FYCO1: variants seen among roughly 807,000 people sequenced by gnomAD.
FYCO1 encodes FYVE and coiled-coil domain-containing protein 1.
A neutral mutation model predicts 165.1 loss-of-function variants in FYCO1; 122 were observed. That is an observed-to-expected ratio of 0.74 (90% CI 0.64 to 0.86). The LOEUF (loss-of-function observed/expected upper bound fraction) is 0.86. FYCO1 is among the 40% of genes least tolerant of loss of function. The pLI is 0.00. For synonymous variants in FYCO1, 648 were observed against 742.5 expected (o/e 0.87, Z 2.07); for missense variants, 1,702 against 1,810.3 (o/e 0.94, Z 1.09).
rs750356269 is a variant in FYCO1 at position 45,967,134 on chromosome 3, C to T, written c.2200G>A (p.Glu734Lys). The part of the protein sequence containing the change: ...EARHRELRAL[E>K]SQCQQQTQLI... ...TGGGTCTGCTGCTGGCACTGGCTCT[C>T]GAGAGCCCTAAGCTCTCTGTGCCGG... is the stretch of plus-strand genomic sequence containing the variant. The change falls in exon 8 of 18, where the codon GAG becomes AAG. Residue 734 changes from glutamate (E) to lysine (K), a missense_variant. Physicochemically the swap from Glu to Lys is moderately conservative, Grantham distance 56. Transcript: ENST00000296137. 1.4e-5 allele frequency: 22 copies of T among 1,613,730 alleles called. No homozygotes were observed. The highest frequency in any genetic ancestry group is 1.6e-4 in the Middle Eastern group (1 of 6,082).
In FYCO1 at chr3:45,918,456, T is replaced by G. The variant is rs990706066; in HGVS notation, c.*3309A>C. On this transcript the variant is annotated 3_prime_UTR_variant, in exon 18 of 18. Transcript: ENST00000296137. ...AGAATGGCCGTCTCGATGGTCTTTG[T>G]GTACATGACCATCCTTGGTTCTAAG... The G allele has an allele frequency of 6.6e-6, 1 of 152,214 alleles. No homozygotes were observed. The highest frequency in any genetic ancestry group is 1.5e-5 in the Non-Finnish European group (1 of 68,038). The allele number at this position is 152,214 out of a possible 1,614,324, so 9.4% of individuals were successfully genotyped here. A position where few individuals can be genotyped will look rare whatever the true frequency, so the allele number is the denominator to read the frequency against.
chr3:45,938,252 C>T (rs187326165), intron 14 of FYCO1: 60 of 1,288,932 alleles, frequency 4.7e-5, no homozygotes, highest in Admixed American at 4.4e-4. Flanking sequence ...CCCCGACAGA[C>T]GCCCTGCATG....
At position 45,918,667 on chromosome 3, in the gene FYCO1, C is replaced by A. The variant is rs780604311; in HGVS notation, c.*3098G>T. 1.3e-5 allele frequency: 2 copies of A among 152,150 alleles called. No individual in the cohort carries two copies. The highest frequency in any genetic ancestry group is 4.8e-5 in the African/African-American group (2 of 41,418). 9.4% of individuals were successfully genotyped at this position (152,150 alleles called of 1,614,324 possible). On this transcript the variant is annotated 3_prime_UTR_variant, in exon 18 of 18. Coordinates refer to ENST00000296137, the MANE Select transcript of FYCO1 (RefSeq NM_024513.4). Reference sequence around the variant, plus strand: ...GCTCTGTGATTTCATCCCCAACTGGCGATTTCCTTTCATTTGGGCCTGAAA... The same window carrying A: ...GCTCTGTGATTTCATCCCCAACTGGAGATTTCCTTTCATTTGGGCCTGAAA...
chr3:45,951,698 C>T (rs1036576044), intron 14 of FYCO1, among the ~76,000 whole-genome samples: 9 of 152,124 alleles, frequency 5.9e-5, no homozygotes, highest in African/African-American at 9.7e-5. Context: ...AGGGCTATGA[C>T]GAATACCATC....
chr3:45,979,363 G>GT (rs1158759407), intron 4 of FYCO1, among the ~76,000 whole-genome samples: 6 of 151,514 alleles, frequency 4.0e-5, no homozygotes, highest in Admixed American at 3.9e-4. Context: ...CAGAAAATGA[G>GT]TTTTTTAAAA....
intron 15 of FYCO1, among the ~76,000 whole-genome samples, chr3:45,931,496 G>A (rs1446066736): frequency 6.6e-6 from 1 of 152,212 alleles, no homozygotes; most frequent in Admixed American, 6.5e-5. Flanking sequence ...CATAGGTCTA[G>A]GCACGGAGGA....
At chr3:45,961,156 C>A (rs533479819) in intron 11 of FYCO1, among the ~76,000 whole-genome samples, 11 of 152,282 alleles carry the variant, frequency 7.2e-5, no homozygotes, top group African/African-American at 2.6e-4. Flanking sequence ...TAATTTAGAT[C>A]CTGATTAGAA....
intron 6 of FYCO1, 76 bp downstream of exon 6, chr3:45,973,012 A>G: frequency 6.6e-7 from 1 of 1,525,224 alleles, no homozygotes; most frequent in South Asian, 1.1e-5. Flanking sequence ...AATTGTTTTG[A>G]GTAGACTGGT....
chr3:45,961,939 A>G (rs1278249992), intron 11 of FYCO1, among the ~76,000 whole-genome samples: 1 of 152,252 alleles, frequency 6.6e-6, no homozygotes, highest in Non-Finnish European at 1.5e-5. Flanking sequence ...TGGCAGTTCT[A>G]GGCCAAGACA....
intron 6 of FYCO1, among the ~76,000 whole-genome samples, chr3:45,972,385 C>T (rs58248472): frequency 1.8e-3 from 275 of 152,332 alleles, no homozygotes; most frequent in African/African-American, 6.3e-3. Context: ...TTTCTCTATA[C>T]ATGAAGTATT....
chr3:45,950,155 C>T (rs902924300), intron 14 of FYCO1, among the ~76,000 whole-genome samples: 11 of 152,064 alleles, frequency 7.2e-5, no homozygotes, highest in Admixed American at 3.3e-4. Context: ...TGCTTGTCCA[C>T]ACCAGCACAT....
intron 14 of FYCO1, among the ~76,000 whole-genome samples, chr3:45,938,772 G>A (rs1482316686): frequency 3.9e-5 from 6 of 152,208 alleles, no homozygotes; most frequent in African/African-American, 1.2e-4. Flanking sequence ...GATTACAGGC[G>A]TGAGCCACTG....
intron 16 of FYCO1, among the ~76,000 whole-genome samples, chr3:45,925,145 G>T (rs1165039663): frequency 3.3e-5 from 5 of 150,966 alleles, no homozygotes; most frequent in African/African-American, 1.2e-4. Flanking sequence ...GGCCAGGCTG[G>T]TCTCAAACTC....
At chr3:45,982,660 T>C (rs1423952744) in intron 2 of FYCO1, among the ~76,000 whole-genome samples, 2 of 152,330 alleles carry the variant, frequency 1.3e-5, no homozygotes, top group African/African-American at 4.8e-5. Flanking sequence ...CAAAACTATC[T>C]GCTTCTCTGG....
intron 6 of FYCO1, among the ~76,000 whole-genome samples, chr3:45,971,120 T>C (rs1476390765): frequency 1.3e-5 from 2 of 152,216 alleles, no homozygotes; most frequent in Admixed American, 6.5e-5. Flanking sequence ...ACTGGGGTAA[T>C]TGGATAAATG....
Position 45,947,205 on chromosome 3 carries a change from C to A in FYCO1, c.3944+8044G>T, listed in dbSNP as rs763696572. 4 of 1,614,096 alleles carry A rather than the reference C, an allele frequency of 2.5e-6. No homozygotes were observed. In the Admixed American group the frequency reaches 6.7e-5, roughly 27 times the overall value. Reference sequence around the variant, plus strand: ...CTTCCTGGTGATGGCTGTGTTCCTGCTGACCCAGATGCCCTTCAACCTCAT... The same window carrying A: ...CTTCCTGGTGATGGCTGTGTTCCTGATGACCCAGATGCCCTTCAACCTCAT... On this transcript the variant is annotated intron_variant, in intron 14 of 17. Coordinates refer to ENST00000296137, the MANE Select transcript of FYCO1 (RefSeq NM_024513.4).
chr3:45,977,111 G>C (rs1181094933), intron 4 of FYCO1, among the ~76,000 whole-genome samples: 1 of 152,048 alleles, frequency 6.6e-6, no homozygotes, highest in South Asian at 2.1e-4. Flanking sequence ...GGAAATTCAG[G>C]CCGTTGGAAA....
chr3:45,964,135 C>T lies in FYCO1; in HGVS notation c.3269+201G>A, dbSNP rs1182740387. On this transcript the variant is annotated intron_variant, in intron 10 of 17. Transcript: ENST00000296137. This position sits in a 1 kb window ranked among gnomAD's most constrained non-coding sequence, Gnocchi z 4.1. ...AGAAAATTGAGTTAGGAGAAAGGTG[C>T]TTTAGCCGTGTATAGGTTGTGATGG... 6.6e-6 allele frequency among the ~76,000 whole-genome samples: 1 copy of T among 152,152 alleles called. No homozygotes were observed. The highest frequency in any genetic ancestry group is 1.9e-4 in the East Asian group (1 of 5,192).
chr3:45,951,782 C>T (rs563913156), intron 14 of FYCO1, among the ~76,000 whole-genome samples: 2 of 152,136 alleles, frequency 1.3e-5, no homozygotes, highest in Admixed American at 1.3e-4. Flanking sequence ...ACAGGGACCA[C>T]TAGGAGGTTG....
Sources: gnomAD v4.1 joint callset for allele counts (sites outside exome capture counted in the v4.1 genomes callset) on GRCh38, gnomAD v4.1.1 for gene constraint, Gnocchi (gnomAD v3.1) non-coding constraint, MANE v1.5 for transcripts, NCBI Gene and HGNC (gene_info 2026-07-23, HGNC 2026-07-21) for gene names.